BMS1: variants seen among roughly 807,000 people sequenced by gnomAD.
BMS1 encodes ribosome biogenesis protein BMS1 homolog.
Under a neutral mutation model 138.7 loss-of-function variants are expected in BMS1, and 53 were observed. The ratio of observed to expected loss-of-function variants is 0.38; its 90% CI spans 0.31 to 0.48. The LOEUF (loss-of-function observed/expected upper bound fraction) is 0.48, where lower values mean the gene tolerates loss of function less well. Among genes scored for constraint, BMS1 ranks in the 20% least tolerant of loss-of-function variants. The pLI, the probability that BMS1 is intolerant of heterozygous loss-of-function variation, is 0.97. For missense variants in BMS1, 1,360 were observed against 1,565.5 expected, an observed-to-expected ratio of 0.87 and a Z score of 2.22; for synonymous variants, 504 against 539.9, an observed-to-expected ratio of 0.93 and a Z score of 0.92.
chr10:42,790,586 G>A lies in BMS1; in HGVS notation c.636+75G>A, dbSNP rs550432947. On this transcript the variant is annotated intron_variant, in intron 5 of 22. Coordinates refer to ENST00000374518, the MANE Select transcript of BMS1 (RefSeq NM_014753.4). ...TAGACTGAAGAGGCCGGGTGCAGTGGCTAACACCTGTAATCCCAGCACTTT... is the reference window on the plus strand; with the variant it reads ...TAGACTGAAGAGGCCGGGTGCAGTGACTAACACCTGTAATCCCAGCACTTT... 4.7e-5 allele frequency: 69 copies of A among 1,470,348 alleles called. No homozygotes were observed. The African/African-American group carries it at 8.6e-4, about 18-fold the overall frequency. The allele number at this position is 1,470,348 out of a possible 1,614,324, so 91.1% of individuals were successfully genotyped here.
At chr10:42,796,021 T>G (rs1467486269) in intron 9 of BMS1, among the ~76,000 whole-genome samples, 1 of 152,244 alleles carries the variant, frequency 6.6e-6, no homozygotes, top group Non-Finnish European at 1.5e-5. Context: ...TCCTTTCAAC[T>G]GTCTCTGTTA....
Position 42,823,210 on chromosome 10 carries a change from C to T in BMS1, c.3225C>T (p.Leu1075=). Residue 1075 remains leucine (L), a synonymous_variant, in exon 20 of 23, where the codon CTC becomes CTT. Coordinates refer to ENST00000374518, the MANE Select transcript of BMS1 (RefSeq NM_014753.4). ...TAAGGGGGCAGATCAAGAAAGCACT[C>T]CGAGCTCCAGAAGGAGCTTTCAGGG... is the stretch of plus-strand genomic sequence containing the variant. The part of the protein sequence containing the change: ...SGIRGQIKKA[L]RAPEGAFRAS... 2 of 1,606,442 alleles carry T rather than the reference C, an allele frequency of 1.2e-6. No homozygotes were observed. Among genetic ancestry groups the T allele is most frequent in the Non-Finnish European group, 1.7e-6 (2 of 1,178,138 alleles).
rs1353018392 is a variant in BMS1, at chr10:42,798,465, T to C, written c.2090-3T>C. ...CACTTTTCTGCCATGGTGTGCTCTTTAGTGACAGAAGATAATGAAGAAGAA... is the reference window on the plus strand; with the variant it reads ...CACTTTTCTGCCATGGTGTGCTCTTCAGTGACAGAAGATAATGAAGAAGAA... On this transcript the variant is annotated splice_polypyrimidine_tract_variant and splice_region_variant and intron_variant, in intron 11 of 22. Transcript: ENST00000374518. The C allele has an allele frequency of 2.5e-6, 4 of 1,614,190 alleles. No individual in the cohort carries two copies. The Admixed American group carries it at 5.0e-5, about 20-fold the overall frequency.
chr10:42,792,542 G>A lies in BMS1; in HGVS notation c.829G>A (p.Asp277Asn), dbSNP rs914443446. The A allele has an allele frequency of 1.2e-6, 2 of 1,611,538 alleles. No homozygotes were observed. Among genetic ancestry groups the A allele is most frequent in the Non-Finnish European group, 1.7e-6 (2 of 1,179,802 alleles). The change falls in exon 7 of 23, where the codon GAC (aspartate) becomes AAC (asparagine). Residue 277 changes from aspartate (D) to asparagine (N), a missense_variant. By Grantham distance (23) the Asp-to-Asn change is conservative (BLOSUM62 1). Coordinates refer to ENST00000374518, the MANE Select transcript of BMS1 (RefSeq NM_014753.4). ...GGATATCCGAACAAACATCAAATGT[G>A]ACCGGAAGGTGTCACTTTATGGTTA... ...PEDIRTNIKC[D>N]RKVSLYGYLR...
chr10:42,795,420 A>G (rs1344339144), intron 9 of BMS1, among the ~76,000 whole-genome samples: 1 of 151,724 alleles, frequency 6.6e-6, no homozygotes, highest in African/African-American at 2.4e-5. Flanking sequence ...CCCAGGCTCA[A>G]GTGGTCCTCC....
intron 21 of BMS1, among the ~76,000 whole-genome samples, chr10:42,824,345 A>G (rs529721917): frequency 2.0e-5 from 3 of 152,238 alleles, no homozygotes; most frequent in East Asian, 3.9e-4. Context: ...TTTTTCTGCT[A>G]TTAAGTTGTA....
chr10:42,797,101 G>A lies in BMS1; in HGVS notation c.1857G>A (p.Lys619=), dbSNP rs1485898708. 6.2e-7 allele frequency: 1 copy of A among 1,614,234 alleles called. No homozygotes were observed. Among genetic ancestry groups the A allele is most frequent in the Non-Finnish European group, 8.5e-7 (1 of 1,180,032 alleles). ...AGGCTATTAGAAAAAAGCTTTCAAA[G>A]CCTTCTCAAGTGAGCAGTGGTCAGA... is the stretch of plus-strand genomic sequence containing the variant. ...NEEAIRKKLS[K]PSQVSSGQKL... is the part of the protein sequence containing the mutation. The change falls in exon 10 of 23, where the codon AAG becomes AAA. Residue 619 remains lysine, a synonymous_variant. Coordinates refer to ENST00000374518, the MANE Select transcript of BMS1 (RefSeq NM_014753.4).
chr10:42,801,814 G>C (rs1159758893), intron 12 of BMS1, among the ~76,000 whole-genome samples: 2 of 152,162 alleles, frequency 1.3e-5, no homozygotes, highest in Non-Finnish European at 2.9e-5. Flanking sequence ...GACCAACTTT[G>C]TAAACTACTG....
chr10:42,784,372 C>T lies in BMS1; in HGVS notation c.-23C>T. ...CCTTCTTCCTTGTAGGTTAGAGTTA[C>T]TTGTTATTGGTAAATAGCCACTATG... On this transcript the variant is annotated 5_prime_UTR_variant, in exon 2 of 23. Transcript: ENST00000374518. 6.3e-7 allele frequency: 1 copy of T among 1,580,238 alleles called. No homozygotes were observed. Among genetic ancestry groups the T allele is most frequent in the Non-Finnish European group, 8.5e-7 (1 of 1,170,132 alleles).
chr10:42,815,500 GA>G (rs564992340), intron 13 of BMS1, among the ~76,000 whole-genome samples: 6 of 152,218 alleles, frequency 3.9e-5, no homozygotes, highest in African/African-American at 1.4e-4. Flanking sequence ...GCCCTTATGT[GA>G]AAATGTTTTA....
chr10:42,802,299 T>C, intron 13 of BMS1, 81 bp downstream of exon 13: 2 of 1,212,794 alleles, frequency 1.6e-6, no homozygotes, highest in Non-Finnish European at 2.3e-6. Context: ...ATAGTCAAAT[T>C]GAAAATAATA....
intron 13 of BMS1, among the ~76,000 whole-genome samples, chr10:42,804,832 C>T (rs570512166): frequency 6.6e-6 from 1 of 152,136 alleles, no homozygotes; most frequent in South Asian, 2.1e-4. Flanking sequence ...ATTCTCCTGC[C>T]TCAGCCTCCT....
chr10:42,794,209 C>T (rs1018897365), intron 9 of BMS1, among the ~76,000 whole-genome samples: 1 of 152,114 alleles, frequency 6.6e-6, no homozygotes, highest in Non-Finnish European at 1.5e-5. Flanking sequence ...CAACAGACCC[C>T]AAATATTCCT....
intron 13 of BMS1, among the ~76,000 whole-genome samples, chr10:42,815,922 T>C (rs1283511322): frequency 6.6e-6 from 1 of 152,246 alleles, no homozygotes; most frequent in African/African-American, 2.4e-5. Context: ...CCTTTTCACA[T>C]GTGCTGGTAT....
At chr10:42,811,318 C>T (rs1239234140) in intron 13 of BMS1, among the ~76,000 whole-genome samples, 2 of 152,072 alleles carry the variant, frequency 1.3e-5, no homozygotes, top group East Asian at 3.9e-4. Context: ...GCTGGGAATA[C>T]AGGCATGAGC....
Position 42,816,633 on chromosome 10 carries a change from A to G in BMS1, c.2364A>G (p.Thr788=). The part of the protein sequence containing the change: ...ELYGDFEDLE[T]GDVHKGKSGP... ...ACGGTGACTTTGAAGACTTGGAAAC[A>G]GGGGACGTGCACAAGGGAAAATCAG... Residue 788 remains threonine (T), a synonymous_variant, in exon 14 of 23, where the codon ACA becomes ACG. Coordinates refer to ENST00000374518, the MANE Select transcript of BMS1 (RefSeq NM_014753.4). The G allele has an allele frequency of 1.9e-6, 3 of 1,611,530 alleles. No homozygotes were observed. Among genetic ancestry groups the G allele is most frequent in the Non-Finnish European group, 2.5e-6 (3 of 1,179,672 alleles).
rs74135403 is a variant in BMS1 at position 42,788,271 on chromosome 10, G to T, written c.447+1024G>T. Among the ~76,000 whole-genome samples, 959 of 152,234 alleles carry T rather than the reference G, an allele frequency of 6.3e-3. 8 individuals are homozygous for T. Among genetic ancestry groups the T allele is most frequent in the African/African-American group, 0.022 (922 of 41,556 alleles). On this transcript the variant is annotated intron_variant, in intron 4 of 22. Transcript: ENST00000374518. ...GAAATGATTGAAATAGTTCATAGAA[G>T]TCATTTGTTTCTCTTTTATTTAAAA... is the stretch of plus-strand genomic sequence containing the variant.
At chr10:42,815,897 A>T (rs189243084) in intron 13 of BMS1, among the ~76,000 whole-genome samples, 20 of 152,340 alleles carry the variant, frequency 1.3e-4, no homozygotes, top group Admixed American at 7.8e-4. Context: ...GTTGTGTTGA[A>T]CTTACATTGA....
In BMS1 at chr10:42,820,549, G is replaced by A; in HGVS notation, c.2811G>A (p.Lys937=). The A allele has an allele frequency of 6.2e-7, 1 of 1,611,068 alleles. No homozygotes were observed. ...KKHRWYKKIL[K]SRDPIIFSVG... is the part of the protein sequence containing the mutation. Reference sequence around the variant, plus strand: ...ATCGCTGGTATAAGAAAATCCTCAAGTCCCGAGATCCAATCATATTTTCTG... The same window carrying A: ...ATCGCTGGTATAAGAAAATCCTCAAATCCCGAGATCCAATCATATTTTCTG... The change falls in exon 17 of 23, where the codon AAG becomes AAA. Residue 937 remains lysine (K), a synonymous_variant. Transcript: ENST00000374518.
Sources: allele counts gnomAD v4.1 joint callset (sites outside exome capture counted in the v4.1 genomes callset), GRCh38; gene constraint gnomAD v4.1.1; transcripts MANE v1.5; gene names NCBI Gene and HGNC (gene_info 2026-07-23, HGNC 2026-07-21).